Variants in FTO observed in about 807,000 individuals in gnomAD.
FTO encodes the protein alpha-ketoglutarate-dependent dioxygenase FTO.
Under a neutral mutation model 63.9 loss-of-function variants are expected in FTO, and 47 were observed. That is an observed-to-expected ratio of 0.74 (90% CI 0.58 to 0.94). The LOEUF is 0.94. Among genes scored for constraint, FTO ranks in the 40% least tolerant of loss-of-function variants. FTO has a pLI of 0.00. For synonymous variants in FTO, 207 were observed against 224.4 expected (o/e 0.92, Z 0.69); for missense variants, 562 against 618.1 (o/e 0.91, Z 0.96).
At chr16:53,724,395 G>A (rs2076106186) in intron 1 of FTO, among the ~76,000 whole-genome samples, 1 of 152,228 alleles carries the variant, frequency 6.6e-6, no homozygotes, top group African/African-American at 2.4e-5. Context: ...AGGAGTTTGA[G>A]ACCAGTCTAT....
chr16:53,791,874 C>A lies in FTO; in HGVS notation c.46-18266C>A, dbSNP rs865894950. Among the ~76,000 whole-genome samples the A allele has an allele frequency of 8.5e-5, 13 of 152,104 alleles. No individual in the cohort carries two copies. In the South Asian group the frequency reaches 1.2e-3, roughly 15 times the overall value. On this transcript the variant is annotated intron_variant, in intron 1 of 8. Coordinates refer to ENST00000471389, the MANE Select transcript of FTO (RefSeq NM_001080432.3). ...GGATCACGAGGTCAGGAGATCGAGA[C>A]CATCCTGGCTAACACGGTGAAAACC...
At chr16:53,922,201 T>G (rs751953021) in intron 7 of FTO, among the ~76,000 whole-genome samples, 2 of 152,240 alleles carry the variant, frequency 1.3e-5, no homozygotes, top group East Asian at 3.8e-4. Flanking sequence ...TTTCCTTTTT[T>G]TCCCCAAGAG....
At chr16:53,790,199 G>A (rs1364941036) in intron 1 of FTO, among the ~76,000 whole-genome samples, 3 of 151,222 alleles carry the variant, frequency 2.0e-5, no homozygotes, top group East Asian at 3.9e-4. Flanking sequence ...CCTCATTATT[G>A]TGGAACCCAT....
At chr16:54,096,780 G>T (rs1426137551) in intron 8 of FTO, among the ~76,000 whole-genome samples, 2 of 152,132 alleles carry the variant, frequency 1.3e-5, no homozygotes, top group African/African-American at 4.8e-5. Flanking sequence ...TCACTTAAGG[G>T]CACTAATCCC....
At chr16:53,770,749 T>C (rs1393396803) in intron 1 of FTO, among the ~76,000 whole-genome samples, 4 of 152,134 alleles carry the variant, frequency 2.6e-5, no homozygotes, top group African/African-American at 4.8e-5. Flanking sequence ...GTCTGGTGGA[T>C]GCCAGTGCCA....
intron 1 of FTO, among the ~76,000 whole-genome samples, chr16:53,750,607 G>T (rs916284594): frequency 2.0e-5 from 3 of 152,166 alleles, no homozygotes; most frequent in African/African-American, 7.2e-5. Flanking sequence ...TTTAATAGGG[G>T]CCATATGTGG....
intron 1 of FTO, among the ~76,000 whole-genome samples, chr16:53,735,710 G>A (rs1486563269): frequency 6.6e-6 from 1 of 152,240 alleles, no homozygotes; most frequent in Non-Finnish European, 1.5e-5. Context: ...TTGAAGCCTA[G>A]TTGGATAAGC....
intron 1 of FTO, among the ~76,000 whole-genome samples, chr16:53,801,232 A>T (rs2078211517): frequency 1.4e-5 from 2 of 147,566 alleles, no homozygotes; most frequent in Non-Finnish European, 1.5e-5. Context: ...ATTACTTGTA[A>T]TTTTTTGGTT....
intron 1 of FTO, among the ~76,000 whole-genome samples, chr16:53,763,554 T>C (rs746448247): frequency 6.6e-6 from 1 of 152,174 alleles, no homozygotes; most frequent in African/African-American, 2.4e-5. Flanking sequence ...TAGTCTCCTT[T>C]GAGTACCCTG....
chr16:53,865,476 A>G (rs1460800617), intron 4 of FTO, among the ~76,000 whole-genome samples: 1 of 152,144 alleles, frequency 6.6e-6, no homozygotes, highest in Non-Finnish European at 1.5e-5. Context: ...TGCATTTTGT[A>G]GTTATTATTT....
intron 3 of FTO, among the ~76,000 whole-genome samples, chr16:53,836,410 G>A (rs937959863): frequency 1.3e-5 from 2 of 152,168 alleles, no homozygotes; most frequent in African/African-American, 4.8e-5. Context: ...AATTAGACTT[G>A]TAAACTTGTA....
At chr16:53,854,186 CT>C (rs1368326534) in intron 4 of FTO, among the ~76,000 whole-genome samples, 2 of 151,580 alleles carry the variant, frequency 1.3e-5, no homozygotes, top group Non-Finnish European at 2.9e-5. Context: ...TTTTTTCTTG[CT>C]GATTTGTTTG....
intron 4 of FTO, among the ~76,000 whole-genome samples, chr16:53,845,988 A>G (rs1192217564): frequency 1.3e-5 from 2 of 152,142 alleles, no homozygotes; most frequent in Admixed American, 1.3e-4. Flanking sequence ...ATTGCTTTGC[A>G]GTTTACACAT....
chr16:54,011,226 A>G (rs368362566), intron 8 of FTO, among the ~76,000 whole-genome samples: 1 of 152,364 alleles, frequency 6.6e-6, no homozygotes, highest in Admixed American at 6.5e-5. Flanking sequence ...CATAATATCC[A>G]TAACTAGAGA....
rs185139657 is a variant in FTO at position 53,859,186 on chromosome 16, A to G, written c.896-14600A>G. 3.2e-3 allele frequency among the ~76,000 whole-genome samples: 486 copies of G among 152,300 alleles called. 2 individuals carry two copies. The highest frequency in any genetic ancestry group is 0.011 in the African/African-American group (456 of 41,572). Reference sequence around the variant, plus strand: ...TGCAGAGCCCATCACTTCTGCCCACAGTTCCACTAAACTGTGAAGACCAGA... The same window carrying G: ...TGCAGAGCCCATCACTTCTGCCCACGGTTCCACTAAACTGTGAAGACCAGA... On this transcript the variant is annotated intron_variant, in intron 4 of 8. Transcript: ENST00000471389.
intron 7 of FTO, among the ~76,000 whole-genome samples, chr16:53,923,451 C>T (rs1476120461): frequency 6.6e-6 from 1 of 152,164 alleles, no homozygotes; most frequent in Non-Finnish European, 1.5e-5. Flanking sequence ...TTTCTCTGTT[C>T]CATATGGCCA....
intron 8 of FTO, among the ~76,000 whole-genome samples, chr16:54,104,405 C>A (rs949253470): frequency 6.6e-6 from 1 of 151,518 alleles, no homozygotes; most frequent in African/African-American, 2.4e-5. Context: ...CTCTGCCTCC[C>A]GGGTTCAAGT....
At position 53,920,311 on chromosome 16, in the gene FTO, C is replaced by T. The variant is rs189280604; in HGVS notation, c.1240-13674C>T. ...GTAACTTGCCTGTGGCCAGCTTGGT[C>T]GCTAAGTTGGCCTTCAGGGCCTTGG... On this transcript the variant is annotated intron_variant, in intron 7 of 8. Coordinates refer to ENST00000471389, the MANE Select transcript of FTO (RefSeq NM_001080432.3). Among the ~76,000 whole-genome samples the T allele has an allele frequency of 4.2e-3, 571 of 135,666 alleles. 2 individuals carry two copies. The highest frequency in any genetic ancestry group is 0.018 in the African/African-American group (550 of 29,794). The allele number at this position is 135,666 out of a possible 152,430, so 89.0% of individuals were successfully genotyped here. A position where few individuals can be genotyped will look rare whatever the true frequency, so the allele number is the denominator to read the frequency against.
intron 7 of FTO, among the ~76,000 whole-genome samples, chr16:53,900,353 G>GA (rs1287147483): frequency 2.0e-5 from 3 of 152,056 alleles, no homozygotes; most frequent in Non-Finnish European, 4.4e-5. Flanking sequence ...TGAGCAGTCT[G>GA]AAAAATCTGA....
Sources: gnomAD v4.1 joint callset for allele counts (sites outside exome capture counted in the v4.1 genomes callset) on GRCh38, gnomAD v4.1.1 for gene constraint, MANE v1.5 for transcripts, NCBI Gene and HGNC (gene_info 2026-07-23, HGNC 2026-07-21) for gene names.